Variants in ADAMTS19 observed in about 807,000 individuals in gnomAD.
The protein encoded by ADAMTS19 is A disintegrin and metalloproteinase with thrombospondin motifs 19.
A neutral mutation model predicts 153.3 loss-of-function variants in ADAMTS19; 93 were observed. The ratio of observed to expected loss-of-function variants is 0.61; its 90% CI spans 0.51 to 0.72. The LOEUF is 0.72. ADAMTS19 is among the 30% of genes least tolerant of loss of function. ADAMTS19 has a pLI of 0.00. For synonymous variants in ADAMTS19, 600 were observed against 556.6 expected (o/e 1.08, Z -1.10); for missense variants, 1,482 against 1,552.1 (o/e 0.95, Z 0.76).
intron 6 of ADAMTS19, among the ~76,000 whole-genome samples, chr5:129,540,369 TG>T (rs1377600337): frequency 6.6e-6 from 1 of 152,148 alleles, no homozygotes; most frequent in Non-Finnish European, 1.5e-5. Flanking sequence ...GTTATGCTTC[TG>T]GGTTCATAGT....
At chr5:129,675,661 A>G (rs1448960555) in intron 16 of ADAMTS19, among the ~76,000 whole-genome samples, 1 of 151,936 alleles carries the variant, frequency 6.6e-6, no homozygotes, top group African/African-American at 2.4e-5. Flanking sequence ...TTGATTTTTC[A>G]TAGTTTCCAT....
intron 8 of ADAMTS19, among the ~76,000 whole-genome samples, chr5:129,609,911 G>T (rs1233288966): frequency 6.6e-6 from 1 of 152,122 alleles, no homozygotes; most frequent in Non-Finnish European, 1.5e-5. Flanking sequence ...GTTTCTCTGT[G>T]TTGGCAAGAG....
intron 7 of ADAMTS19, among the ~76,000 whole-genome samples, chr5:129,573,423 C>G (rs1490593208): frequency 1.3e-5 from 2 of 151,908 alleles, no homozygotes; most frequent in South Asian, 2.1e-4. Context: ...TTCAGTATGC[C>G]TTTCTTATAA....
At chr5:129,611,920 G>A (rs1446435059) in intron 8 of ADAMTS19, among the ~76,000 whole-genome samples, 1 of 152,092 alleles carries the variant, frequency 6.6e-6, no homozygotes, top group Non-Finnish European at 1.5e-5. Context: ...CAAGCCAGAA[G>A]AGAGTGGGGG....
At chr5:129,528,928 G>T (rs1438165890) in intron 6 of ADAMTS19, among the ~76,000 whole-genome samples, 1 of 151,974 alleles carries the variant, frequency 6.6e-6, no homozygotes. Flanking sequence ...GACCTCAAAG[G>T]CATAGTCATT....
intron 6 of ADAMTS19, among the ~76,000 whole-genome samples, chr5:129,544,572 A>G (rs1157891910): frequency 6.6e-6 from 1 of 152,210 alleles, no homozygotes; most frequent in Non-Finnish European, 1.5e-5. Context: ...ATAGCAAAAA[A>G]TACAATAAGC....
intron 2 of ADAMTS19, among the ~76,000 whole-genome samples, chr5:129,480,210 A>G (rs918234202): frequency 6.6e-6 from 1 of 152,190 alleles, no homozygotes; most frequent in African/African-American, 2.4e-5. Flanking sequence ...AGTCCTTGAC[A>G]TATGGTGCTG....
intron 7 of ADAMTS19, among the ~76,000 whole-genome samples, chr5:129,557,137 A>G (rs1227523167): frequency 1.3e-5 from 2 of 152,142 alleles, no homozygotes; most frequent in Admixed American, 6.5e-5. Context: ...ATTAGATAAA[A>G]AGTAGTAATT....
At chr5:129,662,557 A>C (rs1370463278) in intron 15 of ADAMTS19, among the ~76,000 whole-genome samples, 1 of 152,222 alleles carries the variant, frequency 6.6e-6, no homozygotes, top group African/African-American at 2.4e-5. Flanking sequence ...TATAGTTCTA[A>C]TGTATAACAT....
At chr5:129,707,131 G>T (rs1756198941) in intron 21 of ADAMTS19, among the ~76,000 whole-genome samples, 1 of 152,140 alleles carries the variant, frequency 6.6e-6, no homozygotes, top group South Asian at 2.1e-4. Flanking sequence ...ATATTTCCTG[G>T]TTGTGAGACC....
intron 2 of ADAMTS19, among the ~76,000 whole-genome samples, chr5:129,493,194 C>T (rs1750822596): frequency 6.6e-6 from 1 of 151,928 alleles, no homozygotes; most frequent in Admixed American, 6.6e-5. Context: ...TTTGAAGGTC[C>T]CAGGTTCACT....
intron 6 of ADAMTS19, among the ~76,000 whole-genome samples, chr5:129,536,365 C>G (rs973756932): frequency 6.6e-6 from 1 of 152,140 alleles, no homozygotes; most frequent in Non-Finnish European, 1.5e-5. Flanking sequence ...CAATGAGATA[C>G]CATCTCACAC....
At chr5:129,612,104 C>T (rs142096102) in intron 8 of ADAMTS19, among the ~76,000 whole-genome samples, 3,845 of 147,508 alleles carry the variant, frequency 0.026, 187 homozygotes, top group African/African-American at 0.091. Context: ...GGTATATGTC[C>T]TAATGCTATC....
chr5:129,622,330 T>G lies in ADAMTS19; in HGVS notation c.1752T>G (p.Ser584=), dbSNP rs1447134612. 1.9e-6 allele frequency: 3 copies of G among 1,614,056 alleles called. No individual in the cohort carries two copies. In the Admixed American group the frequency reaches 5.0e-5, roughly 27 times the overall value. Residue 584 remains serine, a synonymous_variant, in exon 10 of 23, where the codon TCT becomes TCG. Transcript: ENST00000274487. ...AGATCCTTTTTGGGCCATTGGCTTC[T>G]TTTTGTCAGGAGATGCAGGTAAAGA... ...QCQILFGPLA[S]FCQEMQHVIC...
chr5:129,671,404 T>A (rs1754295422), intron 16 of ADAMTS19, among the ~76,000 whole-genome samples: 1 of 152,176 alleles, frequency 6.6e-6, no homozygotes, highest in Non-Finnish European at 1.5e-5. Flanking sequence ...GAAATGACAC[T>A]GTGTTGAAAT....
In ADAMTS19 at chr5:129,551,856, C is replaced by A. The variant is rs1453027039; in HGVS notation, c.1329-8C>A. On this transcript the variant is annotated splice_region_variant and splice_polypyrimidine_tract_variant and intron_variant, in intron 6 of 22. Transcript: ENST00000274487. ...ATCTTTATTTCAGTTTTCTATTTTT[C>A]TTTCTAGGAAAGATTTCTGTGTGCA... 3 of 1,555,432 alleles carry A rather than the reference C, an allele frequency of 1.9e-6. No homozygotes were observed. In the African/African-American group the frequency reaches 4.2e-5, roughly 22 times the overall value.
chr5:129,490,086 G>A (rs916293740), intron 2 of ADAMTS19, among the ~76,000 whole-genome samples: 2 of 152,098 alleles, frequency 1.3e-5, no homozygotes, highest in African/African-American at 4.8e-5. Context: ...AATTTTTCAG[G>A]CAGATCTGAA....
intron 8 of ADAMTS19, among the ~76,000 whole-genome samples, chr5:129,605,071 C>A (rs969217369): frequency 6.6e-6 from 1 of 152,212 alleles, no homozygotes; most frequent in Non-Finnish European, 1.5e-5. Flanking sequence ...CCTGCTAGTT[C>A]TTTGGACTAA....
intron 7 of ADAMTS19, among the ~76,000 whole-genome samples, chr5:129,590,147 C>G (rs755115752): frequency 1.3e-5 from 2 of 152,072 alleles, no homozygotes; most frequent in Admixed American, 6.6e-5. Context: ...CCCTACTCAC[C>G]AGTACCTGTA....
Sources: allele counts gnomAD v4.1 joint callset (sites outside exome capture counted in the v4.1 genomes callset), GRCh38; gene constraint gnomAD v4.1.1; transcripts MANE v1.5; gene names NCBI Gene and HGNC (gene_info 2026-07-23, HGNC 2026-07-21).